Variants in DEAF1 observed in about 807,000 individuals in gnomAD.
DEAF1 encodes DEAF1 transcription factor, also known as deformed epidermal autoregulatory factor 1 homolog.
Under a neutral mutation model 58.9 loss-of-function variants are expected in DEAF1, and 53 were observed. The ratio of observed to expected loss-of-function variants is 0.90; its 90% CI spans 0.72 to 1.13. DEAF1 has a LOEUF of 1.13. Ranked by LOEUF, DEAF1 falls within the 50% of genes most tolerant of loss-of-function variation. The pLI is 0.00. For missense variants in DEAF1, 685 were observed against 791.4 expected (o/e 0.87, Z 1.61); for synonymous variants, 385 against 340.4 (o/e 1.13, Z -1.44).
rs1008289490 is a variant in DEAF1, at chr11:654,113, G to A, written c.1504-62C>T. The A allele has an allele frequency of 3.6e-5, 52 of 1,429,400 alleles. No homozygotes were observed. In the African/African-American group the frequency reaches 7.0e-4, roughly 19 times the overall value. 88.5% of individuals were successfully genotyped at this position (1,429,400 alleles called of 1,614,324 possible). On this transcript the variant is annotated intron_variant, in intron 10 of 11. Coordinates refer to ENST00000382409, the MANE Select transcript of DEAF1 (RefSeq NM_021008.4). Reference sequence around the variant, plus strand: ...GCCGTGGAGAGCCCCTGAGACACCGGGGACAGAGGCAGGTGCAGGCAGGAG... The same window carrying A: ...GCCGTGGAGAGCCCCTGAGACACCGAGGACAGAGGCAGGTGCAGGCAGGAG...
chr11:645,383 C>A (rs1858441217), intron 11 of DEAF1, among the ~76,000 whole-genome samples: 1 of 127,502 alleles, frequency 7.8e-6, no homozygotes, highest in Non-Finnish European at 1.8e-5. Context: ...AACGCGCAAT[C>A]TCGGCTCACC....
intron 1 of DEAF1, among the ~76,000 whole-genome samples, chr11:692,909 G>A (rs975445881): frequency 6.6e-6 from 1 of 151,150 alleles, no homozygotes; most frequent in Admixed American, 6.6e-5. Context: ...CACACCAGGT[G>A]CACGGTTCCC....
At position 653,933 on chromosome 11, in the gene DEAF1, G is replaced by A. The variant is rs766662003; in HGVS notation, c.1593+29C>T. The A allele has an allele frequency of 2.5e-6, 4 of 1,602,418 alleles. No homozygotes were observed. The Admixed American group carries it at 5.0e-5, about 20-fold the overall frequency. On this transcript the variant is annotated intron_variant, in intron 11 of 11. Transcript: ENST00000382409. ...CTTCGTAGCGAGGGAGGAGGCGGGG[G>A]CACTGAGCCTGGTGTAGGTGAGACC... is the stretch of plus-strand genomic sequence containing the variant.
At chr11:680,342 G>C (rs1773671808) in intron 7 of DEAF1, among the ~76,000 whole-genome samples, 1 of 152,174 alleles carries the variant, frequency 6.6e-6, no homozygotes, top group Non-Finnish European at 1.5e-5. Context: ...GTTTTAGAAA[G>C]ACCTTACTCT....
At chr11:669,401 C>T (rs1315154473) in intron 10 of DEAF1, among the ~76,000 whole-genome samples, 1 of 152,130 alleles carries the variant, frequency 6.6e-6, no homozygotes, top group East Asian at 1.9e-4. Context: ...CTTTGGGAGG[C>T]CGAGGTGGGC....
intron 7 of DEAF1, 121 bp downstream of exon 7, chr11:680,842 C>G: frequency 6.9e-7 from 1 of 1,446,964 alleles, no homozygotes; most frequent in Non-Finnish European, 9.6e-7. Flanking sequence ...GTTGGAATCC[C>G]TCTGGCCACG....
intron 6 of DEAF1, among the ~76,000 whole-genome samples, chr11:682,536 G>A (rs752313826): frequency 2.0e-4 from 31 of 152,134 alleles, no homozygotes; most frequent in Non-Finnish European, 3.1e-4. Flanking sequence ...CCTTTGGGAG[G>A]GGCTTTGGAG....
intron 10 of DEAF1, among the ~76,000 whole-genome samples, chr11:667,741 G>A (rs1213281992): frequency 2.0e-5 from 3 of 151,958 alleles, no homozygotes; most frequent in Admixed American, 2.0e-4. Context: ...CCAGGGAGTC[G>A]GAGGTTGCAG....
chr11:644,287 A>C lies in DEAF1; in HGVS notation c.*263T>G, dbSNP rs540329420. 2 of 578,076 alleles carry C rather than the reference A, an allele frequency of 3.5e-6. No individual in the cohort carries two copies. Among genetic ancestry groups the C allele is most frequent in the South Asian group, 3.9e-5 (2 of 51,040 alleles). The allele number at this position is 578,076 out of a possible 1,614,324, so 35.8% of individuals were successfully genotyped here. A position where few individuals can be genotyped will look rare whatever the true frequency, so the allele number is the denominator to read the frequency against. On this transcript the variant is annotated 3_prime_UTR_variant, in exon 12 of 12. Coordinates refer to ENST00000382409, the MANE Select transcript of DEAF1 (RefSeq NM_021008.4). This position sits in a 1 kb window ranked among gnomAD's most constrained non-coding sequence, Gnocchi z 4.3. ...AACACGTATGTATGTGCGTCGCAGC[A>C]CAGGCCCTGTGGGCAAGACCGGACG...
chr11:674,283 C>T (rs1473506304), intron 10 of DEAF1: 4 of 518,634 alleles, frequency 7.7e-6, no homozygotes, highest in East Asian at 3.5e-5. Flanking sequence ...ACGGCCGATG[C>T]GCACAAAATT....
At chr11:696,123 T>C (rs1861142748), upstream of DEAF1, among the ~76,000 whole-genome samples, 1 of 152,042 alleles carries the variant, frequency 6.6e-6, no homozygotes, top group African/African-American at 2.4e-5. Flanking sequence ...CGGCAGCTCT[T>C]GTCCCGCGCG....
intron 11 of DEAF1, among the ~76,000 whole-genome samples, chr11:646,797 C>T (rs933052670): frequency 4.6e-5 from 7 of 151,842 alleles, no homozygotes; most frequent in African/African-American, 1.7e-4. Flanking sequence ...TAGAAGTTAG[C>T]GTTTCAGTTT....
intron 10 of DEAF1, among the ~76,000 whole-genome samples, chr11:658,098 A>G (rs1196752899): frequency 6.6e-6 from 1 of 152,176 alleles, no homozygotes; most frequent in Non-Finnish European, 1.5e-5. Context: ...TTTTCTGTAA[A>G]CCTAAAATTA....
chr11:670,061 T>C (rs1256082682), intron 10 of DEAF1, among the ~76,000 whole-genome samples: 2 of 142,372 alleles, frequency 1.4e-5, no homozygotes, highest in African/African-American at 5.4e-5. Context: ...CAGAGTGAGA[T>C]GCTGCCTCAA....
chr11:681,128 G>A (rs1246232222), intron 6 of DEAF1, 39 bp from the exon 7 acceptor site: 3 of 1,612,892 alleles, frequency 1.9e-6, no homozygotes, highest in African/African-American at 1.3e-5. Flanking sequence ...CTTCATGTGT[G>A]CAAAAGCTAT....
chr11:646,755 G>GA lies in DEAF1; in HGVS notation c.1594-2102dup, dbSNP rs759271332. On this transcript the variant is annotated intron_variant, in intron 11 of 11. Coordinates refer to ENST00000382409, the MANE Select transcript of DEAF1 (RefSeq NM_021008.4). ...TACAGTATAATGCTAAAACACTTTT[G>GA]AAAAAAAAATCATTATCTGAAAAGC... 6.0e-5 allele frequency among the ~76,000 whole-genome samples: 9 copies of GA among 149,676 alleles called. No individual in the cohort carries two copies. The East Asian group carries it at 1.4e-3, about 23-fold the overall frequency.
intron 9 of DEAF1, chr11:678,493 C>T (rs760167382): frequency 5.6e-6 from 4 of 709,752 alleles, no homozygotes; most frequent in Non-Finnish European, 9.3e-6. Context: ...ACAGCACACA[C>T]ATGAATGGAC....
chr11:683,850 A>C (rs1273660007), intron 6 of DEAF1, among the ~76,000 whole-genome samples: 2 of 152,116 alleles, frequency 1.3e-5, no homozygotes, highest in Admixed American at 6.6e-5. Flanking sequence ...ATGATTTCCT[A>C]GACTGACATC....
At chr11:656,099 G>C (rs1366709550) in intron 10 of DEAF1, among the ~76,000 whole-genome samples, 3 of 151,152 alleles carry the variant, frequency 2.0e-5, no homozygotes, top group African/African-American at 7.3e-5. Flanking sequence ...CCCCCAAAGT[G>C]CTGGGATTAC....
Sources: allele counts gnomAD v4.1 joint callset (sites outside exome capture counted in the v4.1 genomes callset), GRCh38; gene constraint gnomAD v4.1.1; non-coding constraint Gnocchi (gnomAD v3.1); transcripts MANE v1.5; gene names NCBI Gene and HGNC (gene_info 2026-07-23, HGNC 2026-07-21).